The following SSBP3 variants were observed in gnomAD, a reference collection of about 807,000 sequenced individuals.
The protein encoded by SSBP3 is single stranded DNA binding protein 3.
Under a neutral mutation model 69.6 loss-of-function variants are expected in SSBP3, and 5 were observed. The ratio of observed to expected loss-of-function variants is 0.07; its 90% CI spans 0.04 to 0.15. The LOEUF (loss-of-function observed/expected upper bound fraction) is 0.15. Among genes scored for constraint, SSBP3 ranks in the 10% least tolerant of loss-of-function variants. SSBP3 has a pLI of 1.00. For missense variants in SSBP3, 312 were observed against 534.0 expected (o/e 0.58, Z 4.10); for synonymous variants, 196 against 193.4 (o/e 1.01, Z -0.11).
At chr1:54,371,722 G>A (rs1041432321) in intron 4 of SSBP3, among the ~76,000 whole-genome samples, 3 of 152,088 alleles carry the variant, frequency 2.0e-5, no homozygotes, top group South Asian at 2.1e-4. Context: ...TGCATGTGCC[G>A]GTGCTGCACT....
chr1:54,251,559 G>A (rs1278380881), intron 9 of SSBP3, 57 bp downstream of exon 9: 4 of 1,508,494 alleles, frequency 2.7e-6, no homozygotes, highest in Middle Eastern at 1.9e-4. Context: ...AAACAGGAGA[G>A]AAGGCGGGTG....
chr1:54,233,099 G>A (rs1328442725), intron 14 of SSBP3, among the ~76,000 whole-genome samples: 132 of 149,994 alleles, frequency 8.8e-4, no homozygotes, highest in Non-Finnish European at 4.1e-4. Flanking sequence ...AGTGAGGAGC[G>A]TCTCCGCCCG....
intron 9 of SSBP3, among the ~76,000 whole-genome samples, chr1:54,244,348 C>G (rs1644697630): frequency 6.6e-6 from 1 of 152,180 alleles, no homozygotes; most frequent in African/African-American, 2.4e-5. Flanking sequence ...AGGATCCACC[C>G]ACCTTGGCCT....
intron 4 of SSBP3, among the ~76,000 whole-genome samples, chr1:54,348,151 C>T (rs924363846): frequency 4.9e-5 from 7 of 144,134 alleles, no homozygotes; most frequent in African/African-American, 1.3e-4. Context: ...TCATCTTTAT[C>T]GGGTGGCGGA....
chr1:54,317,339 C>A (rs1251255299), intron 4 of SSBP3, among the ~76,000 whole-genome samples: 2 of 152,124 alleles, frequency 1.3e-5, no homozygotes, highest in Non-Finnish European at 2.9e-5. Context: ...GAGTTTGAGA[C>A]CAGTCTGGGC....
At chr1:54,263,753 C>A (rs1239861147) in intron 5 of SSBP3, among the ~76,000 whole-genome samples, 1 of 152,246 alleles carries the variant, frequency 6.6e-6, no homozygotes, top group Non-Finnish European at 1.5e-5. Context: ...CTCACCCCCA[C>A]AGGTACCTTG....
chr1:54,228,105 T>C, intron 17 of SSBP3, 150 bp downstream of exon 17: 1 of 772,378 alleles, frequency 1.3e-6, no homozygotes, highest in Non-Finnish European at 2.2e-6. Context: ...GGCTGCACAC[T>C]TCTGCTAAAA....
chr1:54,408,112 G>A (rs923197530), upstream of SSBP3, among the ~76,000 whole-genome samples: 1 of 152,088 alleles, frequency 6.6e-6, no homozygotes, highest in African/African-American at 2.4e-5. Flanking sequence ...GGACACCTCT[G>A]GACTCACTCT....
At chr1:54,397,979 G>A (rs1167756325) in intron 4 of SSBP3, among the ~76,000 whole-genome samples, 1 of 152,134 alleles carries the variant, frequency 6.6e-6, no homozygotes, top group East Asian at 1.9e-4. Flanking sequence ...GAACATGTCG[G>A]GGGGCACCAA....
chr1:54,269,547 G>T (rs186565941), intron 5 of SSBP3, among the ~76,000 whole-genome samples: 1 of 152,194 alleles, frequency 6.6e-6, no homozygotes, highest in African/African-American at 2.4e-5. Flanking sequence ...TTAATCTAGC[G>T]AATCGGAACT....
intron 4 of SSBP3, among the ~76,000 whole-genome samples, chr1:54,345,437 C>T (rs573818937): frequency 1.1e-4 from 17 of 152,232 alleles, no homozygotes; most frequent in African/African-American, 3.6e-4. Flanking sequence ...GGAAGAACCT[C>T]TAAGCCCATG....
At chr1:54,229,879 CAGG>C (rs1557436515) in intron 14 of SSBP3, among the ~76,000 whole-genome samples, 1 of 152,236 alleles carries the variant, frequency 6.6e-6, no homozygotes, top group Non-Finnish European at 1.5e-5. Flanking sequence ...AACTACCCCA[CAGG>C]AGGACAGAGA....
At chr1:54,371,804 C>T (rs771223812) in intron 4 of SSBP3, among the ~76,000 whole-genome samples, 21 of 152,108 alleles carry the variant, frequency 1.4e-4, no homozygotes, top group Non-Finnish European at 2.5e-4. Flanking sequence ...CGAAGACAGT[C>T]GGGCAGGGGT....
At chr1:54,335,973 T>C (rs1646500242) in intron 4 of SSBP3, 1 of 152,282 alleles carries the variant, frequency 6.6e-6, no homozygotes, top group African/African-American at 2.4e-5. Flanking sequence ...GCATGGGCAC[T>C]GGAGCCAGAG....
intron 7 of SSBP3, among the ~76,000 whole-genome samples, chr1:54,255,160 G>C (rs1000659752): frequency 1.9e-5 from 1 of 52,488 alleles, no homozygotes; most frequent in Non-Finnish European, 3.3e-5. Flanking sequence ...CGGGGGGGCG[G>C]GGGGGGGGGT....
intron 4 of SSBP3, among the ~76,000 whole-genome samples, chr1:54,288,191 G>A (rs1200733590): frequency 6.6e-6 from 1 of 152,160 alleles, no homozygotes; most frequent in East Asian, 1.9e-4. Context: ...ACCACCGCCT[G>A]GGCCTGGGGA....
At position 54,406,001 on chromosome 1, in the gene SSBP3, G is replaced by A. The variant is rs868513221; in HGVS notation, c.8C>T (p.Ala3Val). 4.0e-5 allele frequency: 59 copies of A among 1,483,720 alleles called. 1 individual carries two copies. Among genetic ancestry groups the A allele is most frequent in the African/African-American group, 5.8e-5 (4 of 68,398 alleles). 91.9% of individuals were successfully genotyped at this position (1,483,720 alleles called of 1,614,324 possible). ...GGGCACCGCCGAGCCTTTGCCTTTGGCAAACATGGTTTGCAGGGAAGAGGG... is the reference window on the plus strand; with the variant it reads ...GGGCACCGCCGAGCCTTTGCCTTTGACAAACATGGTTTGCAGGGAAGAGGG... The change falls in exon 1 of 18, where the codon GCC becomes GTC. Residue 3 changes from alanine to valine, a missense_variant. Ala to Val is a moderately conservative substitution (Grantham distance 64). Transcript: ENST00000610401.
intron 9 of SSBP3, among the ~76,000 whole-genome samples, chr1:54,248,123 C>T (rs2100690908): frequency 6.6e-6 from 1 of 152,334 alleles, no homozygotes; most frequent in South Asian, 2.1e-4. Flanking sequence ...ATTCTTTGTT[C>T]AGAAAGTTCT....
At chr1:54,265,599 G>A (rs1158122783) in intron 5 of SSBP3, among the ~76,000 whole-genome samples, 2 of 152,204 alleles carry the variant, frequency 1.3e-5, no homozygotes, top group Non-Finnish European at 2.9e-5. Context: ...GTGGGGAGAG[G>A]ACAAGGAGAG....
Sources: gnomAD v4.1 joint callset for allele counts (sites outside exome capture counted in the v4.1 genomes callset) on GRCh38, gnomAD v4.1.1 for gene constraint, MANE v1.5 for transcripts, NCBI Gene and HGNC (gene_info 2026-07-23, HGNC 2026-07-21) for gene names.